Variants in RELN observed in about 807,000 individuals in gnomAD.
RELN encodes the protein reelin.
Under a neutral mutation model 427.6 loss-of-function variants are expected in RELN, and 108 were observed. The observed-to-expected ratio is 0.25, with a 90% confidence interval of 0.22 to 0.30. The LOEUF (loss-of-function observed/expected upper bound fraction) is 0.30. Among genes scored for constraint, RELN ranks in the 10% least tolerant of loss-of-function variants. The pLI, the probability that RELN is intolerant of heterozygous loss-of-function variation, is 1.00. For missense variants in RELN, 3,715 were observed against 4,302.8 expected, an observed-to-expected ratio of 0.86 and a Z score of 3.82; for synonymous variants, 1,524 against 1,513.4, an observed-to-expected ratio of 1.01 and a Z score of -0.16.
chr7:103,517,981 C>A (rs554068721), intron 49 of RELN, among the ~76,000 whole-genome samples: 2 of 152,198 alleles, frequency 1.3e-5, no homozygotes, highest in Non-Finnish European at 2.9e-5. Flanking sequence ...ACACCCTTCT[C>A]GCCCCAATCT....
chr7:103,787,389 C>A (rs1792044143), intron 3 of RELN, among the ~76,000 whole-genome samples: 1 of 151,784 alleles, frequency 6.6e-6, no homozygotes, highest in Non-Finnish European at 1.5e-5. Context: ...ATCAATGAAT[C>A]CAGGAGCTGG....
intron 3 of RELN, among the ~76,000 whole-genome samples, chr7:103,800,024 A>C (rs1439011063): frequency 2.0e-5 from 3 of 152,040 alleles, no homozygotes; most frequent in Non-Finnish European, 4.4e-5. Context: ...ACTCACAGCC[A>C]ATATTGTACT....
At chr7:103,539,432 G>T in intron 44 of RELN, 105 bp from the exon 45 acceptor site, 2 of 1,203,842 alleles carry the variant, frequency 1.7e-6, no homozygotes, top group Non-Finnish European at 2.4e-6. Flanking sequence ...CTGTTGGCCT[G>T]CTCAGAACTG....
At chr7:103,493,746 G>T (rs550073277) in intron 57 of RELN, among the ~76,000 whole-genome samples, 1 of 152,212 alleles carries the variant, frequency 6.6e-6, no homozygotes, top group South Asian at 2.1e-4. Flanking sequence ...AGGGGAAAGA[G>T]AATTCCACAG....
At chr7:103,488,812 C>T (rs1828538445) in intron 60 of RELN, among the ~76,000 whole-genome samples, 1 of 152,122 alleles carries the variant, frequency 6.6e-6, no homozygotes, top group Non-Finnish European at 1.5e-5. Flanking sequence ...TTGCCTGTAG[C>T]ATGGGAATAA....
intron 1 of RELN, among the ~76,000 whole-genome samples, chr7:103,986,950 GTGTGTGT>G (rs1797112172): frequency 1.3e-5 from 2 of 150,992 alleles, no homozygotes; most frequent in South Asian, 4.2e-4. Flanking sequence ...GTGTGTGTGT[GTGTGTGT>G]GTGTGTGTGT....
At chr7:103,848,759 C>T (rs900107786) in intron 2 of RELN, among the ~76,000 whole-genome samples, 1 of 152,186 alleles carries the variant, frequency 6.6e-6, no homozygotes, top group African/African-American at 2.4e-5. Flanking sequence ...ATGGATGGTA[C>T]ATGCCCATTA....
At chr7:103,510,793 T>A (rs1829381442) in intron 51 of RELN, 58 bp downstream of exon 51, 1 of 1,373,336 alleles carries the variant, frequency 7.3e-7, no homozygotes, top group Non-Finnish European at 1.0e-6. Flanking sequence ...TTCTCTGATA[T>A]TTTTTGTTAT....
intron 61 of RELN, chr7:103,484,293 G>T (rs1586469854): frequency 5.1e-6 from 1 of 197,146 alleles, no homozygotes; most frequent in Admixed American, 5.3e-5. Context: ...AGAAACAGAA[G>T]CAGCCAGTCT....
intron 10 of RELN, among the ~76,000 whole-genome samples, chr7:103,695,394 T>C (rs1350899285): frequency 6.7e-6 from 1 of 148,550 alleles, no homozygotes; most frequent in Non-Finnish European, 1.5e-5. Context: ...ACTACAATGA[T>C]TTTTTTTCCC....
At chr7:103,939,365 T>C (rs1026250029) in intron 1 of RELN, among the ~76,000 whole-genome samples, 1 of 152,202 alleles carries the variant, frequency 6.6e-6, no homozygotes, top group Non-Finnish European at 1.5e-5. Flanking sequence ...TCAATAAACA[T>C]ATAAAAATAT....
chr7:103,781,151 C>T (rs545840714), intron 3 of RELN, among the ~76,000 whole-genome samples: 1 of 152,038 alleles, frequency 6.6e-6, no homozygotes, highest in Non-Finnish European at 1.5e-5. Flanking sequence ...AAGCAGAAGC[C>T]CAAGTGACCA....
At chr7:103,838,333 C>T (rs561820097) in intron 2 of RELN, among the ~76,000 whole-genome samples, 1 of 149,992 alleles carries the variant, frequency 6.7e-6, no homozygotes, top group East Asian at 2.0e-4. Flanking sequence ...TTCACATTAA[C>T]TAAATACAAT....
chr7:103,699,681 A>G (rs1353912963), intron 9 of RELN, among the ~76,000 whole-genome samples: 1 of 152,180 alleles, frequency 6.6e-6, no homozygotes, highest in Non-Finnish European at 1.5e-5. Context: ...AAATGGAGAC[A>G]TAGGTAAATT....
intron 11 of RELN, among the ~76,000 whole-genome samples, chr7:103,681,184 C>T (rs1468045348): frequency 2.6e-5 from 4 of 152,046 alleles, no homozygotes; most frequent in Non-Finnish European, 5.9e-5. Context: ...CTTATTGGGT[C>T]TGAATGGAGT....
intron 9 of RELN, among the ~76,000 whole-genome samples, chr7:103,698,453 G>A (rs1326864598): frequency 2.0e-5 from 3 of 152,056 alleles, no homozygotes; most frequent in Admixed American, 6.6e-5. Flanking sequence ...ACAATTTTTT[G>A]CACATGGTAA....
At chr7:103,918,474 G>A (rs1288335091) in intron 1 of RELN, among the ~76,000 whole-genome samples, 1 of 152,090 alleles carries the variant, frequency 6.6e-6, no homozygotes, top group African/African-American at 2.4e-5. Flanking sequence ...ATGTTTTGAT[G>A]CTGTCTACAT....
chr7:103,553,571 A>C lies in RELN; in HGVS notation c.5970-8T>G, dbSNP rs1397359357. The C allele has an allele frequency of 6.2e-6, 10 of 1,613,724 alleles. No homozygotes were observed. The highest frequency in any genetic ancestry group is 8.5e-6 in the Non-Finnish European group (10 of 1,179,768). On this transcript the variant is annotated splice_region_variant and splice_polypyrimidine_tract_variant and intron_variant, in intron 39 of 64. Coordinates refer to ENST00000428762, the MANE Select transcript of RELN (RefSeq NM_005045.4). ...ATAGCTGAATCTTCTTCACTGTTAC[A>C]CAGGAAAACAACCAGGAATCCATTT...
At position 103,651,764 on chromosome 7, in the gene RELN, G is replaced by A. The variant is rs779014769; in HGVS notation, c.1789C>T (p.His597Tyr). ...TGAAGGAGGGACCAGGAGCGCCCAT[G>A]GTTGGTAGAAAATTCCAAGCTGACA... ...NSVSLEFSTN[H>Y]GRSWSLLHTE... is the part of the protein sequence containing the mutation. The change falls in exon 15 of 65, where the codon CAT becomes TAT. Residue 597 changes from histidine to tyrosine, a missense_variant. His to Tyr is a moderately conservative substitution (Grantham distance 83). Coordinates refer to ENST00000428762, the MANE Select transcript of RELN (RefSeq NM_005045.4). 2.8e-5 allele frequency: 45 copies of A among 1,611,668 alleles called. No individual in the cohort carries two copies. The East Asian group carries it at 9.6e-4, about 34-fold the overall frequency.
Sources: gnomAD v4.1 joint callset for allele counts (sites outside exome capture counted in the v4.1 genomes callset) on GRCh38, gnomAD v4.1.1 for gene constraint, MANE v1.5 for transcripts, NCBI Gene and HGNC (gene_info 2026-07-23, HGNC 2026-07-21) for gene names.